Variants in CAPN12 observed in about 807,000 individuals in gnomAD.
CAPN12 encodes the protein calpain 12, also known as calpain-12.
CAPN12 carries 107 observed loss-of-function variants against 95.0 expected under a neutral mutation model. The ratio of observed to expected loss-of-function variants is 1.13; its 90% CI spans 0.96 to 1.32. The LOEUF (loss-of-function observed/expected upper bound fraction) is 1.32, where lower values mean the gene tolerates loss of function less well. Ranked by LOEUF, CAPN12 falls within the 40% of genes most tolerant of loss-of-function variation. The pLI, the probability that CAPN12 is intolerant of heterozygous loss-of-function variation, is 0.00. For synonymous variants in CAPN12, 505 were observed against 415.5 expected (o/e 1.22, Z -2.62); for missense variants, 1,136 against 997.8 (o/e 1.14, Z -1.87).
chr19:38,743,158 T>G, intron 1 of CAPN12, 56 bp from the exon 2 acceptor site: 1 of 1,602,800 alleles, frequency 6.2e-7, no homozygotes, highest in Non-Finnish European at 8.5e-7. Flanking sequence ...AAAGGTCTCA[T>G]CCAGAGGAGT....
intron 1 of CAPN12, 43 bp from the exon 2 acceptor site, chr19:38,743,145 A>T: frequency 6.2e-7 from 1 of 1,611,252 alleles, no homozygotes; most frequent in Non-Finnish European, 8.5e-7. Flanking sequence ...TGAGAAAGCG[A>T]GGAAAGGTCT....
intron 20 of CAPN12, 36 bp downstream of exon 20, chr19:38,730,929 G>A (rs1264850887): frequency 2.6e-6 from 4 of 1,550,428 alleles, no homozygotes; most frequent in African/African-American, 2.7e-5. Flanking sequence ...TCGCAGGACA[G>A]AGCCTGAGCC....
chr19:38,735,162 G>A (rs1599894722), intron 14 of CAPN12: 1 of 606,930 alleles, frequency 1.6e-6, no homozygotes, highest in East Asian at 2.8e-5. Flanking sequence ...AGGAGGGAGA[G>A]GGTGGTCCTG....
chr19:38,730,870 C>G lies in CAPN12; in HGVS notation c.2142G>C (p.Glu714Asp). The G allele has an allele frequency of 6.4e-7, 1 of 1,551,556 alleles. No homozygotes were observed. Among genetic ancestry groups the G allele is most frequent in the Non-Finnish European group, 8.7e-7 (1 of 1,147,480 alleles). The change falls in exon 21 of 21, where the codon GAG becomes GAC. Residue 714 changes from glutamate (E) to aspartate (D), a missense_variant. Transcript: ENST00000328867. Reference sequence around the variant, plus strand: ...GGAGATCCTAGGAGAAGGTGGCCACCTCCATCCACTAAGGAAGAGAAGGAA... The same window carrying G: ...GGAGATCCTAGGAGAAGGTGGCCACGTCCATCCACTAAGGAAGAGAAGGAA... ...VICLTHRQWM[E>D]VATFS is the part of the protein sequence containing the mutation.
Position 38,743,019 on chromosome 19 carries a change from G to A in CAPN12, c.307+14C>T, listed in dbSNP as rs1970650953. On this transcript the variant is annotated intron_variant, in intron 2 of 20. Coordinates refer to ENST00000328867, the MANE Select transcript of CAPN12 (RefSeq NM_144691.4). ...AGCTGGATCTGAGGACTCCAGGTGG[G>A]TTCAGGGTCTCACCCAGGCTCCCCT... The A allele has an allele frequency of 6.2e-7, 1 of 1,613,702 alleles. No homozygotes were observed. The highest frequency in any genetic ancestry group is 2.2e-5 in the East Asian group (1 of 44,872).
chr19:38,734,789 C>A, intron 15 of CAPN12, 24 bp downstream of exon 15: 1 of 1,609,688 alleles, frequency 6.2e-7, no homozygotes, highest in East Asian at 2.2e-5. Context: ...ACCCCTCCTC[C>A]TGCCCCTATC....
Position 38,730,517 on chromosome 19 carries a change from T to TATTTTTAAGAAGGATTC in CAPN12, c.*318_*334dup, listed in dbSNP as rs1969501186. The TATTTTTAAGAAGGATTC allele has an allele frequency of 2.7e-6, 1 of 376,066 alleles. No individual in the cohort carries two copies. Among genetic ancestry groups the TATTTTTAAGAAGGATTC allele is most frequent in the Admixed American group, 4.1e-5 (1 of 24,108 alleles). 23.3% of individuals were successfully genotyped at this position (376,066 alleles called of 1,614,324 possible). A position where few individuals can be genotyped will look rare whatever the true frequency, so the allele number is the denominator to read the frequency against. On this transcript the variant is annotated 3_prime_UTR_variant, in exon 21 of 21. Transcript: ENST00000328867. ...GGGGACAGGATAATAAAACATGTAATATTTTTAAGAAGGATTCCTGCAGCA... is the reference window on the plus strand; with the variant it reads ...GGGGACAGGATAATAAAACATGTAATATTTTTAAGAAGGATTCATTTTTAAGAAGGATTCCTGCAGCA...
At chr19:38,731,354 AGGGT>A (rs1454334265) in intron 18 of CAPN12, 131 bp from the exon 19 acceptor site, 2 of 707,168 alleles carry the variant, frequency 2.8e-6, no homozygotes, top group Admixed American at 2.0e-5. Context: ...CCATCCCGGC[AGGGT>A]GAGTACAGGC....
At chr19:38,742,052 G>A in intron 3 of CAPN12, 142 bp from the exon 4 acceptor site, 10 of 1,268,358 alleles carry the variant, frequency 7.9e-6, no homozygotes, top group Non-Finnish European at 1.1e-5. Context: ...CTGGCCGGGT[G>A]CGGTGGCTCA....
chr19:38,737,103 C>T, intron 10 of CAPN12, 53 bp downstream of exon 10: 19 of 1,436,294 alleles, frequency 1.3e-5, no homozygotes, highest in Non-Finnish European at 1.8e-5. Flanking sequence ...GGCCCGGCCC[C>T]GCCCCTCCAC....
At chr19:38,743,880 A>T in intron 1 of CAPN12, 49 bp downstream of exon 1, 3 of 1,573,006 alleles carry the variant, frequency 1.9e-6, no homozygotes, top group Non-Finnish European at 2.6e-6. Context: ...CCATGCCTCC[A>T]GCCCCTCCTC....
rs534294919 is a variant in CAPN12 at position 38,731,419 on chromosome 19, G to C, written c.1958-196C>G. The C allele has an allele frequency of 9.3e-5, 57 of 612,686 alleles. No individual in the cohort carries two copies. In the South Asian group the frequency reaches 1.0e-3, roughly 11 times the overall value. 38.0% of individuals were successfully genotyped at this position (612,686 alleles called of 1,614,324 possible). On this transcript the variant is annotated intron_variant, in intron 18 of 20. Transcript: ENST00000328867. ...TTTCCTCATCCATCAAACGGACTAA[G>C]ACAGCCCCGACCCCATAGGGTGTGT...
At chr19:38,740,985 C>T (rs552011867) in intron 4 of CAPN12, among the ~76,000 whole-genome samples, 22 of 151,980 alleles carry the variant, frequency 1.4e-4, no homozygotes, top group African/African-American at 5.1e-4. Flanking sequence ...GGTAGATGTC[C>T]GCTTTGGGGG....
intron 8 of CAPN12, 113 bp downstream of exon 8, chr19:38,738,160 C>A: frequency 1.9e-6 from 2 of 1,054,326 alleles, no homozygotes; most frequent in Admixed American, 2.3e-5. Context: ...AAATTACCAC[C>A]GATGTACACA....
In CAPN12 at chr19:38,731,025, T is replaced by C. The variant is rs537271090; in HGVS notation, c.2075-2A>G. On this transcript the variant is annotated splice_acceptor_variant, in intron 19 of 20. Transcript: ENST00000328867. LOFTEE classifies it high-confidence loss of function. ...CATCCAGGTGCTGGCTGCAGTGGCC[T>C]GTGCAGAGAGGGGCAGGGTGAGTGC... The C allele has an allele frequency of 1.1e-5, 17 of 1,554,952 alleles. No homozygotes were observed. In the East Asian group the frequency reaches 4.1e-4, roughly 38 times the overall value.
rs1193630770 is a variant in CAPN12, at chr19:38,730,419, G to C, written c.*433C>G. The C allele has an allele frequency of 2.2e-5, 4 of 185,092 alleles. No homozygotes were observed. Among genetic ancestry groups the C allele is most frequent in the Non-Finnish European group, 4.6e-5 (4 of 87,280 alleles). The allele number at this position is 185,092 out of a possible 1,614,324, so 11.5% of individuals were successfully genotyped here. On this transcript the variant is annotated 3_prime_UTR_variant, in exon 21 of 21. Transcript: ENST00000328867. Reference sequence around the variant, plus strand: ...TGGCTGCCTGGTGGTTGATGGTTTTGCTCCCCCTACCTTTTTTTTTTGAGT... The same window carrying C: ...TGGCTGCCTGGTGGTTGATGGTTTTCCTCCCCCTACCTTTTTTTTTTGAGT...
chr19:38,735,100 A>G, intron 14 of CAPN12: 1 of 603,760 alleles, frequency 1.7e-6, no homozygotes, highest in Admixed American at 3.0e-5. Context: ...GGTCAGGGAG[A>G]GCTTCCAGGG....
At position 38,740,229 on chromosome 19, in the gene CAPN12, C is replaced by T. The variant is rs1281934497; in HGVS notation, c.561-10G>A. 14 of 1,592,742 alleles carry T rather than the reference C, an allele frequency of 8.8e-6. No homozygotes were observed. Among genetic ancestry groups the T allele is most frequent in the African/African-American group, 1.3e-5 (1 of 74,488 alleles). ...ATAGGAGCCGTGGAGCCTGTGGGGG[C>T]AGATCTGGGGTGAGGGTTGAGGCAA... On this transcript the variant is annotated splice_polypyrimidine_tract_variant and intron_variant, in intron 4 of 20. Transcript: ENST00000328867.
chr19:38,737,081 C>T (rs1970240165), intron 10 of CAPN12, 75 bp downstream of exon 10: 3 of 906,896 alleles, frequency 3.3e-6, no homozygotes, highest in East Asian at 6.2e-5. Flanking sequence ...CTCCATGCCT[C>T]CCCCGCTCCT....
Sources: gnomAD v4.1 joint callset for allele counts (sites outside exome capture counted in the v4.1 genomes callset) on GRCh38, gnomAD v4.1.1 for gene constraint, MANE v1.5 for transcripts, NCBI Gene and HGNC (gene_info 2026-07-23, HGNC 2026-07-21) for gene names.